NELL2: variants seen among roughly 807,000 people sequenced by gnomAD.
The protein encoded by NELL2 is protein kinase C-binding protein NELL2.
In NELL2, 41 loss-of-function variants were observed where a neutral mutation model predicts 109.6. That is an observed-to-expected ratio of 0.37 (90% CI 0.29 to 0.49). The LOEUF is 0.49. NELL2 is among the 20% of genes least tolerant of loss of function. The pLI is 0.98. For missense variants in NELL2, 900 were observed against 1,008.3 expected, an observed-to-expected ratio of 0.89 and a Z score of 1.45; for synonymous variants, 355 against 344.7, an observed-to-expected ratio of 1.03 and a Z score of -0.33.
chr12:44,895,778 CA>C (rs982819590), intron 1 of NELL2, among the ~76,000 whole-genome samples: 3 of 152,072 alleles, frequency 2.0e-5, no homozygotes, highest in African/African-American at 7.2e-5. Flanking sequence ...CACATTCTTC[CA>C]CCTTGAGATT....
Position 44,532,808 on chromosome 12 carries a change from A to G in NELL2, c.1664-87T>C, listed in dbSNP as rs538748860. 4 of 1,218,148 alleles carry G rather than the reference A, an allele frequency of 3.3e-6. No individual in the cohort carries two copies. The South Asian group carries it at 4.8e-5, about 15-fold the overall frequency. The allele number at this position is 1,218,148 out of a possible 1,614,324, so 75.5% of individuals were successfully genotyped here. A position where few individuals can be genotyped will look rare whatever the true frequency, so the allele number is the denominator to read the frequency against. On this transcript the variant is annotated intron_variant, in intron 15 of 19. Coordinates refer to ENST00000429094, the MANE Select transcript of NELL2 (RefSeq NM_001145108.2). ...CTGCTACAAGGCTACTAAAATTTTT[A>G]ATGCCAGCAAATCCTTGAAACTGGG...
chr12:44,853,876 G>C (rs771493953), intron 2 of NELL2, among the ~76,000 whole-genome samples: 2 of 152,098 alleles, frequency 1.3e-5, no homozygotes, highest in African/African-American at 2.4e-5. Context: ...AAGTCAACAG[G>C]CTCTCAGAAA....
chr12:44,760,689 ATTTG>A (rs1941084858), intron 9 of NELL2, among the ~76,000 whole-genome samples: 1 of 152,164 alleles, frequency 6.6e-6, no homozygotes. Flanking sequence ...TTATTGGTTA[ATTTG>A]TTTGACCAAA....
At chr12:44,585,807 G>C (rs1944472889) in intron 15 of NELL2, among the ~76,000 whole-genome samples, 2 of 152,036 alleles carry the variant, frequency 1.3e-5, no homozygotes, top group African/African-American at 2.4e-5. Flanking sequence ...AATGTTACTG[G>C]TGTCTGGCGG....
chr12:44,875,354 C>T lies in NELL2; in HGVS notation c.56-1G>A. On this transcript the variant is annotated splice_acceptor_variant, in intron 1 of 19. Coordinates refer to ENST00000429094, the MANE Select transcript of NELL2 (RefSeq NM_001145108.2). LOFTEE classifies it high-confidence loss of function. ...GAAGGGTCCACACCAAGCCCCCAAA[C>T]TGGTGAGGGGTATGAGGTGGGAGAG... is the stretch of plus-strand genomic sequence containing the variant. 1 of 1,614,106 alleles carries T rather than the reference C, an allele frequency of 6.2e-7. No homozygotes were observed. The highest frequency in any genetic ancestry group is 8.5e-7 in the Non-Finnish European group (1 of 1,180,040).
At chr12:44,857,238 T>A (rs1032475404) in intron 2 of NELL2, among the ~76,000 whole-genome samples, 1 of 152,106 alleles carries the variant, frequency 6.6e-6, no homozygotes, top group African/African-American at 2.4e-5. Context: ...GAGAAATAGA[T>A]GGAAATGGTG....
intron 19 of NELL2, among the ~76,000 whole-genome samples, chr12:44,513,926 C>A (rs1941127950): frequency 6.8e-6 from 1 of 146,922 alleles, no homozygotes. Context: ...CCAAAAAGCC[C>A]AGCAAACACC....
intron 9 of NELL2, among the ~76,000 whole-genome samples, chr12:44,757,781 T>C (rs961887019): frequency 1.3e-5 from 2 of 152,138 alleles, no homozygotes; most frequent in Non-Finnish European, 2.9e-5. Context: ...ATTTTTATAA[T>C]AGTGAAACCT....
intron 15 of NELL2, among the ~76,000 whole-genome samples, chr12:44,595,166 T>C (rs183724806): frequency 7.7e-4 from 118 of 152,342 alleles, no homozygotes; most frequent in African/African-American, 2.7e-3. Context: ...ACTAATTTTC[T>C]TTTCCTCGAA....
intron 9 of NELL2, among the ~76,000 whole-genome samples, chr12:44,753,881 G>T (rs562725512): frequency 6.6e-6 from 1 of 152,208 alleles, no homozygotes; most frequent in South Asian, 2.1e-4. Flanking sequence ...TTCCCCTAAT[G>T]AATAAATATT....
At chr12:44,801,913 G>A (rs1168523555) in intron 3 of NELL2, among the ~76,000 whole-genome samples, 1 of 144,362 alleles carries the variant, frequency 6.9e-6, no homozygotes, top group East Asian at 2.0e-4. Flanking sequence ...GAAAAAAAAA[G>A]AGACAAAGTC....
At chr12:44,522,238 C>A (rs1941574707) in intron 17 of NELL2, 62 bp from the exon 18 acceptor site, 1 of 1,308,784 alleles carries the variant, frequency 7.6e-7, no homozygotes, top group Admixed American at 2.2e-5. Context: ...CACGCACACA[C>A]ACACACGCAC....
chr12:44,829,110 T>C (rs1379266161), intron 2 of NELL2, among the ~76,000 whole-genome samples: 1 of 152,160 alleles, frequency 6.6e-6, no homozygotes, highest in African/African-American at 2.4e-5. Flanking sequence ...ATAGCCTTTC[T>C]CTTTATCATC....
chr12:44,702,559 A>C (rs746454297), intron 12 of NELL2, among the ~76,000 whole-genome samples: 12 of 152,216 alleles, frequency 7.9e-5, no homozygotes, highest in Non-Finnish European at 1.3e-4. Flanking sequence ...GAAATCTCAA[A>C]TATTATAATC....
intron 16 of NELL2, among the ~76,000 whole-genome samples, chr12:44,524,893 A>G (rs1941696143): frequency 6.6e-6 from 1 of 152,208 alleles, no homozygotes; most frequent in Non-Finnish European, 1.5e-5. Flanking sequence ...ATTTTTTCAG[A>G]TTAGAGAAAA....
chr12:44,598,658 T>C (rs567909785), intron 15 of NELL2, among the ~76,000 whole-genome samples: 2 of 152,108 alleles, frequency 1.3e-5, no homozygotes, highest in South Asian at 2.1e-4. Context: ...GGCTTAAAAA[T>C]ATAATATTAA....
chr12:44,859,596 A>C (rs754314566), intron 2 of NELL2, among the ~76,000 whole-genome samples: 2 of 152,178 alleles, frequency 1.3e-5, no homozygotes, highest in Non-Finnish European at 2.9e-5. Context: ...CTTGTTGTCT[A>C]ATGCCTCAGT....
At chr12:44,713,245 CAG>C (rs1275685246) in intron 10 of NELL2, among the ~76,000 whole-genome samples, 2 of 145,702 alleles carry the variant, frequency 1.4e-5, no homozygotes, top group African/African-American at 2.5e-5. Context: ...GAGAGAGAGA[CAG>C]AGAGAGAGAG....
chr12:44,708,907 T>C (rs532235332), intron 11 of NELL2, among the ~76,000 whole-genome samples: 31 of 152,326 alleles, frequency 2.0e-4, no homozygotes, highest in African/African-American at 7.2e-4. Flanking sequence ...TTTTTAACTG[T>C]AAATAATTTA....
Sources: gnomAD v4.1 joint callset for allele counts (sites outside exome capture counted in the v4.1 genomes callset) on GRCh38, gnomAD v4.1.1 for gene constraint, MANE v1.5 for transcripts, NCBI Gene and HGNC (gene_info 2026-07-23, HGNC 2026-07-21) for gene names.